MS4A4A: variants seen among roughly 807,000 people sequenced by gnomAD.
MS4A4A encodes membrane-spanning 4-domains subfamily A member 4A.
In MS4A4A, 26 loss-of-function variants were observed where a neutral mutation model predicts 28.0. The ratio of observed to expected loss-of-function variants is 0.93; its 90% CI spans 0.68 to 1.29. The LOEUF is 1.29. Among genes scored for constraint, MS4A4A ranks in the 50% most tolerant of loss-of-function variants. MS4A4A has a pLI of 0.00. For synonymous variants in MS4A4A, 86 were observed against 100.8 expected, an observed-to-expected ratio of 0.85 and a Z score of 0.88; for missense variants, 290 against 293.1, an observed-to-expected ratio of 0.99 and a Z score of 0.08.
At chr11:60,290,171 T>C (rs777899083) in intron 1 of MS4A4A, 3 of 399,996 alleles carry the variant, frequency 7.5e-6, no homozygotes, top group East Asian at 1.5e-4. Context: ...ACTTCGATGA[T>C]TCTCAGAACT....
intron 5 of MS4A4A, among the ~76,000 whole-genome samples, chr11:60,303,388 C>G (rs570901686): frequency 6.6e-6 from 1 of 152,236 alleles, no homozygotes; most frequent in South Asian, 2.1e-4. Flanking sequence ...TCACAGCAGA[C>G]TAAAATGCAC....
intron 1 of MS4A4A, among the ~76,000 whole-genome samples, chr11:60,291,333 G>C (rs1192249252): frequency 2.0e-5 from 3 of 152,110 alleles, no homozygotes; most frequent in African/African-American, 7.2e-5. Flanking sequence ...CCAAAGTTCA[G>C]AGTTTGTGGC....
At chr11:60,304,061 C>T (rs538126120) in intron 5 of MS4A4A, among the ~76,000 whole-genome samples, 1 of 152,296 alleles carries the variant, frequency 6.6e-6, no homozygotes, top group East Asian at 1.9e-4. Context: ...GAAAAAGCTT[C>T]TATAGAGAAT....
intron 1 of MS4A4A, chr11:60,290,271 G>A (rs994280504): frequency 5.1e-6 from 1 of 195,540 alleles, no homozygotes; most frequent in South Asian, 8.3e-5. Flanking sequence ...CTCAGGGGGG[G>A]CCTCTCATCC....
At chr11:60,293,151 G>A (rs187621316) in intron 2 of MS4A4A, among the ~76,000 whole-genome samples, 18 of 152,172 alleles carry the variant, frequency 1.2e-4, no homozygotes, top group African/African-American at 9.6e-5. Context: ...TCCGTCTTCC[G>A]GGTTCAAGAG....
intron 5 of MS4A4A, among the ~76,000 whole-genome samples, chr11:60,304,515 C>A (rs2084980522): frequency 6.6e-6 from 1 of 152,356 alleles, no homozygotes; most frequent in Non-Finnish European, 1.5e-5. Flanking sequence ...AGAGGACCTC[C>A]ATAAGGGCTT....
chr11:60,285,288 G>C (rs978977226), intron 1 of MS4A4A, among the ~76,000 whole-genome samples: 6 of 152,170 alleles, frequency 3.9e-5, no homozygotes, highest in Admixed American at 1.3e-4. Flanking sequence ...AAGATCACTT[G>C]AGCCCTGGAG....
At chr11:60,280,987 C>T (rs1261230704) in intron 1 of MS4A4A, among the ~76,000 whole-genome samples, 1 of 152,152 alleles carries the variant, frequency 6.6e-6, no homozygotes, top group Non-Finnish European at 1.5e-5. Flanking sequence ...TTACTTTTGT[C>T]CCCTGAGTCT....
Position 60,292,246 on chromosome 11 carries a change from A to T in MS4A4A, c.63A>T (p.Thr21=). ...GTAGCACCTTTTCTGCTGCCATGAC[A>T]ACCATGCAAGGAATGGAACAGGCCA... ...PEESTFSAAM[T]TMQGMEQAMP... is the part of the protein sequence containing the mutation. Residue 21 remains threonine, a synonymous_variant, in exon 2 of 7, where the codon ACA becomes ACT. Coordinates refer to ENST00000337908, the MANE Select transcript of MS4A4A (RefSeq NM_148975.3). 1 of 1,561,446 alleles carries T rather than the reference A, an allele frequency of 6.4e-7. No homozygotes were observed. The highest frequency in any genetic ancestry group is 1.2e-5 in the South Asian group (1 of 82,816).
chr11:60,303,995 A>T (rs2084976322), intron 5 of MS4A4A, among the ~76,000 whole-genome samples: 1 of 152,112 alleles, frequency 6.6e-6, no homozygotes, highest in African/African-American at 2.4e-5. Flanking sequence ...TTCCCTTGAG[A>T]TTTCTATTGC....
intron 3 of MS4A4A, among the ~76,000 whole-genome samples, chr11:60,298,665 A>G (rs2084925840): frequency 6.6e-6 from 1 of 152,176 alleles, no homozygotes; most frequent in South Asian, 2.1e-4. Context: ...CTAACTACTT[A>G]GTTTTCTGTT....
rs7950610 is a variant in MS4A4A at position 60,281,501 on chromosome 11, G to T, written c.41+785G>T. Reference sequence around the variant, plus strand: ...AAACAGAATTCTTGGTTCCTAGCCCGGGCCTTTCCCCCTTTTCCCTTCCCA... The same window carrying T: ...AAACAGAATTCTTGGTTCCTAGCCCTGGCCTTTCCCCCTTTTCCCTTCCCA... On this transcript the variant is annotated intron_variant, in intron 1 of 6. Transcript: ENST00000337908. Among the ~76,000 whole-genome samples the T allele has an allele frequency of 7.9e-3, 1,208 of 152,156 alleles. 14 individuals are homozygous for T. The highest frequency in any genetic ancestry group is 0.027 in the African/African-American group (1,131 of 41,496).
At chr11:60,286,019 C>T (rs1040558031) in intron 1 of MS4A4A, among the ~76,000 whole-genome samples, 12 of 152,168 alleles carry the variant, frequency 7.9e-5, no homozygotes, top group African/African-American at 2.7e-4. Context: ...ACCCCCAGAG[C>T]GGCTGTCCAT....
chr11:60,291,956 G>A (rs1317687370), intron 1 of MS4A4A, among the ~76,000 whole-genome samples: 1 of 152,062 alleles, frequency 6.6e-6, no homozygotes, highest in African/African-American at 2.4e-5. Context: ...AGGTCCAACA[G>A]GTTTACCTCG....
At chr11:60,292,672 C>T (rs1273009186) in intron 2 of MS4A4A, among the ~76,000 whole-genome samples, 3 of 152,128 alleles carry the variant, frequency 2.0e-5, no homozygotes, top group African/African-American at 7.2e-5. Context: ...AAATAAAAGG[C>T]CACCTATGCA....
rs764694945 is a variant in MS4A4A at position 60,281,747 on chromosome 11, G to A, written c.41+1031G>A. Reference sequence around the variant, plus strand: ...GTGCTGCTGATCCACAAGGTGACTGGGGCCAATAGAAGAGGGAAGGGTGGT... The same window carrying A: ...GTGCTGCTGATCCACAAGGTGACTGAGGCCAATAGAAGAGGGAAGGGTGGT... On this transcript the variant is annotated intron_variant, in intron 1 of 6. Coordinates refer to ENST00000337908, the MANE Select transcript of MS4A4A (RefSeq NM_148975.3). Among the ~76,000 whole-genome samples the A allele has an allele frequency of 2.6e-5, 4 of 152,236 alleles. No homozygotes were observed. In the East Asian group the frequency reaches 7.7e-4, roughly 29 times the overall value.
chr11:60,283,794 T>G (rs1468109618), intron 1 of MS4A4A, among the ~76,000 whole-genome samples: 1 of 152,224 alleles, frequency 6.6e-6, no homozygotes, highest in African/African-American at 2.4e-5. Flanking sequence ...AGCCATATGC[T>G]CCAAATCTAA....
At chr11:60,301,996 T>A (rs2084956775) in intron 4 of MS4A4A, among the ~76,000 whole-genome samples, 1 of 152,174 alleles carries the variant, frequency 6.6e-6, no homozygotes, top group African/African-American at 2.4e-5. Flanking sequence ...GTCAGACTGG[T>A]CTCAAACTCC....
In MS4A4A at chr11:60,297,039, G is replaced by A. The variant is rs111630764; in HGVS notation, c.202-158G>A. 3.8e-4 allele frequency: 311 copies of A among 826,122 alleles called. No individual in the cohort carries two copies. The African/African-American group carries it at 4.5e-3, about 12-fold the overall frequency. 51.2% of individuals were successfully genotyped at this position (826,122 alleles called of 1,614,324 possible). ...ATAATATTGGTAAGATTACATTCAC[G>A]GTTATTTATGTGAAAAAAGAGTGAT... On this transcript the variant is annotated intron_variant, in intron 2 of 6. Transcript: ENST00000337908.
Sources: allele counts gnomAD v4.1 joint callset (sites outside exome capture counted in the v4.1 genomes callset), GRCh38; gene constraint gnomAD v4.1.1; transcripts MANE v1.5; gene names NCBI Gene and HGNC (gene_info 2026-07-23, HGNC 2026-07-21).